Variants in FANCL observed in about 807,000 individuals in gnomAD.
FANCL encodes E3 ubiquitin-protein ligase FANCL.
A neutral mutation model predicts 59.4 loss-of-function variants in FANCL; 69 were observed. The observed-to-expected ratio is 1.16, with a 90% CI of 0.96 to 1.42. The LOEUF (loss-of-function observed/expected upper bound fraction) is 1.42. Among genes scored for constraint, FANCL ranks in the 40% most tolerant of loss-of-function variants. FANCL has a pLI of 0.00. For missense variants in FANCL, 519 were observed against 447.2 expected (o/e 1.16, Z -1.45); for synonymous variants, 180 against 147.1 (o/e 1.22, Z -1.62).
chr2:58,241,094 T>G (rs986566536), intron 1 of FANCL, 124 bp downstream of exon 1: 2 of 1,004,248 alleles, frequency 2.0e-6, no homozygotes, highest in Non-Finnish European at 3.1e-6. Flanking sequence ...CAAGAGCCGT[T>G]ACGCGCCGCC....
intron 1 of FANCL, among the ~76,000 whole-genome samples, chr2:58,238,325 T>C (rs537897114): frequency 7.0e-4 from 106 of 152,324 alleles, no homozygotes; most frequent in African/African-American, 2.4e-3. Context: ...ATGAGAGATT[T>C]TGATCAAGAA....
At chr2:58,212,204 C>A (rs10179025) in intron 5 of FANCL, among the ~76,000 whole-genome samples, 2,318 of 152,260 alleles carry the variant, frequency 0.015, 59 homozygotes, top group African/African-American at 0.052. Flanking sequence ...AGGAGCAAGT[C>A]CCATCTTACA....
chr2:58,184,410 A>AT (rs1183237824), intron 7 of FANCL, among the ~76,000 whole-genome samples: 3 of 152,088 alleles, frequency 2.0e-5, no homozygotes, highest in Non-Finnish European at 4.4e-5. Context: ...AATAGTCAAT[A>AT]AACTCTTGAG....
intron 7 of FANCL, among the ~76,000 whole-genome samples, chr2:58,194,609 C>A (rs1423967993): frequency 1.3e-5 from 2 of 151,976 alleles, no homozygotes; most frequent in Admixed American, 1.3e-4. Context: ...AGCAGCCTTG[C>A]CCTTGGTGCT....
At chr2:58,163,127 T>C in intron 9 of FANCL, 53 bp from the exon 10 acceptor site, 3 of 1,441,774 alleles carry the variant, frequency 2.1e-6, no homozygotes, top group Non-Finnish European at 2.9e-6. Flanking sequence ...TCTTGGTTTC[T>C]AAAGCCACAT....
intron 7 of FANCL, among the ~76,000 whole-genome samples, chr2:58,197,004 T>G (rs1198411231): frequency 1.3e-5 from 2 of 151,734 alleles, no homozygotes; most frequent in Non-Finnish European, 2.9e-5. Flanking sequence ...AGCTATAAAA[T>G]TTATGCATAA....
chr2:58,159,973 A>C, intron 13 of FANCL, 135 bp downstream of exon 13: 1 of 1,529,634 alleles, frequency 6.5e-7, no homozygotes, highest in Non-Finnish European at 8.8e-7. Context: ...TTGATCAGAG[A>C]ATTTGAAAAA....
intron 5 of FANCL, among the ~76,000 whole-genome samples, chr2:58,216,052 A>G (rs1190456754): frequency 1.3e-5 from 2 of 152,166 alleles, no homozygotes; most frequent in Non-Finnish European, 2.9e-5. Context: ...AAAGTGATAG[A>G]GCTTTGTCAA....
chr2:58,206,074 A>T (rs1025581645), intron 5 of FANCL, among the ~76,000 whole-genome samples: 1 of 152,136 alleles, frequency 6.6e-6, no homozygotes, highest in African/African-American at 2.4e-5. Context: ...TGAAGAATTG[A>T]CAAAAATTGG....
rs763615183 is a variant in FANCL at position 58,241,225 on chromosome 2, G to T, written c.89C>A (p.Ser30Ter). The change falls in exon 1 of 14, where the codon TCG becomes TAG. Residue 30 changes from serine (S) to a stop codon, truncating the protein, a stop_gained. Transcript: ENST00000233741. LOFTEE classifies it high-confidence loss of function. ...CAACCACTGGGCGGGTACCTGAGCC[G>T]AGATGAATCCCTCATACACGGTTTT... Reference protein sequence around the residue: ...RSKTVYEGFISAQGRDFHLRI... With the variant: ...RSKTVYEGFI 1.2e-6 allele frequency: 2 copies of T among 1,614,254 alleles called. No individual in the cohort carries two copies.
intron 7 of FANCL, among the ~76,000 whole-genome samples, chr2:58,174,430 C>T (rs973087921): frequency 6.6e-6 from 1 of 152,112 alleles, no homozygotes; most frequent in South Asian, 2.1e-4. Flanking sequence ...GAAATCATAA[C>T]AAACTGTCTC....
rs1690335401 is a variant in FANCL at position 58,204,163 on chromosome 2, T to C, written c.438A>G (p.Arg146=). Residue 146 remains arginine, a synonymous_variant, in exon 6 of 14, where the codon AGA becomes AGG. Transcript: ENST00000233741. ...IKLKAEDASG[R]EHLITLKLKA... is the part of the protein sequence containing the mutation. ...TCAACTTGAGAGTGATTAAATGCTCTCTACCAGAAGCATCTTCTGCTTTTA... is the reference window on the plus strand; with the variant it reads ...TCAACTTGAGAGTGATTAAATGCTCCCTACCAGAAGCATCTTCTGCTTTTA... The C allele has an allele frequency of 6.2e-7, 1 of 1,613,180 alleles. No homozygotes were observed. The highest frequency in any genetic ancestry group is 1.3e-5 in the African/African-American group (1 of 74,890).
intron 8 of FANCL, among the ~76,000 whole-genome samples, chr2:58,164,010 GTAT>G (rs1424704240): frequency 2.6e-5 from 4 of 152,040 alleles, no homozygotes; most frequent in African/African-American, 7.2e-5. Context: ...AACATTTTCT[GTAT>G]TATTTTGCTG....
At chr2:58,163,269 C>T (rs1343246129) in intron 9 of FANCL, 165 bp downstream of exon 9, 25 of 726,790 alleles carry the variant, frequency 3.4e-5, no homozygotes, top group Non-Finnish European at 5.6e-5. Flanking sequence ...TGCGGTGAAC[C>T]GAGATCGCGC....
intron 7 of FANCL, among the ~76,000 whole-genome samples, chr2:58,177,816 C>CAA (rs570582054): frequency 6.9e-6 from 1 of 145,494 alleles, no homozygotes; most frequent in Admixed American, 6.8e-5. Flanking sequence ...AAAGAAAAAA[C>CAA]AAAAAAAACC....
intron 6 of FANCL, among the ~76,000 whole-genome samples, chr2:58,201,820 C>G (rs1030643696): frequency 6.6e-6 from 1 of 151,490 alleles, no homozygotes; most frequent in African/African-American, 2.4e-5. Flanking sequence ...TCTTGGAGAT[C>G]GTGAGGGGAA....
intron 5 of FANCL, among the ~76,000 whole-genome samples, chr2:58,210,402 A>C (rs558926664): frequency 6.6e-6 from 1 of 152,272 alleles, no homozygotes; most frequent in East Asian, 1.9e-4. Context: ...CCATGAGAAC[A>C]ATATGGGGGA....
chr2:58,232,180 A>C, intron 1 of FANCL, 68 bp from the exon 2 acceptor site: 1 of 1,251,312 alleles, frequency 8.0e-7, no homozygotes, highest in Non-Finnish European at 1.2e-6. Flanking sequence ...AGTTAAACAG[A>C]ATCACAAAGA....
intron 7 of FANCL, among the ~76,000 whole-genome samples, chr2:58,176,264 A>T (rs923210659): frequency 3.3e-5 from 5 of 152,216 alleles, no homozygotes; most frequent in African/African-American, 9.7e-5. Context: ...TTCTTCACAG[A>T]ATTGGAAAAA....
Sources: gnomAD v4.1 joint callset for allele counts (sites outside exome capture counted in the v4.1 genomes callset) on GRCh38, gnomAD v4.1.1 for gene constraint, MANE v1.5 for transcripts, NCBI Gene and HGNC (gene_info 2026-07-23, HGNC 2026-07-21) for gene names.